The following ZNF883 variants were observed in gnomAD, a reference collection of about 807,000 sequenced individuals.
The protein encoded by ZNF883 is zinc finger protein 883.
intron 1 of ZNF883, among the ~76,000 whole-genome samples, chr9:112,988,368 G>A (rs1235316850): frequency 6.6e-6 from 1 of 151,992 alleles, no homozygotes. Context: ...TCATTGTTCA[G>A]CTCCCACTTA....
intron 1 of ZNF883, among the ~76,000 whole-genome samples, chr9:112,988,355 TTC>T (rs1375081364): frequency 1.3e-5 from 2 of 152,152 alleles, no homozygotes; most frequent in East Asian, 3.9e-4. Flanking sequence ...TGTCCATGTG[TTC>T]TCATTGTTCA....
chr9:112,998,552 A>T (rs1828389440), upstream of ZNF883: 1 of 235,286 alleles, frequency 4.3e-6, no homozygotes, highest in Non-Finnish European at 8.1e-6. Context: ...CAAAAATATT[A>T]TATGGAAAAT....
exon 1 of ZNF883, chr9:112,997,535 CAT>C: frequency 1.2e-6 from 2 of 1,614,136 alleles, no homozygotes; most frequent in Non-Finnish European, 1.7e-6. Flanking sequence ...GGCCTTTCCA[CAT>C]GCATTACACT....
upstream of ZNF883, among the ~76,000 whole-genome samples, chr9:113,003,020 TTC>T (rs1564333941): frequency 6.6e-6 from 1 of 152,122 alleles, no homozygotes; most frequent in East Asian, 1.9e-4. Context: ...ATAAATAAAT[TTC>T]TGTTCTTTAT....
exon 1 of ZNF883, chr9:112,998,063 T>C (rs772139646): frequency 6.2e-7 from 1 of 1,613,978 alleles, no homozygotes; most frequent in East Asian, 2.2e-5. Flanking sequence ...ATAAGGTTTC[T>C]CTCCAGTATG....
chr9:112,997,297 G>A, exon 1 of ZNF883: 1 of 1,613,972 alleles, frequency 6.2e-7, no homozygotes, highest in Non-Finnish European at 8.5e-7. Flanking sequence ...CATTACACTG[G>A]TAGGGTTTCT....
At chr9:113,005,212 CAG>C (rs1828462483) in intron 2 of ZNF883, among the ~76,000 whole-genome samples, 2 of 151,914 alleles carry the variant, frequency 1.3e-5, no homozygotes, top group South Asian at 2.1e-4. Context: ...ACTATACAAA[CAG>C]AAGGCAATCA....
intron 2 of ZNF883, among the ~76,000 whole-genome samples, chr9:113,008,694 T>G (rs1828501717): frequency 6.6e-6 from 1 of 152,170 alleles, no homozygotes; most frequent in African/African-American, 2.4e-5. Context: ...ATCAGGAATT[T>G]TGCCCAGTGA....
downstream of ZNF883, among the ~76,000 whole-genome samples, chr9:112,996,598 T>C (rs1214558509): frequency 6.6e-6 from 1 of 150,742 alleles, no homozygotes; most frequent in East Asian, 1.9e-4. Flanking sequence ...GAGACCATCC[T>C]GGCTAACACG....
At chr9:112,997,386 G>T (rs1208201450) in exon 1 of ZNF883, 1 of 1,613,918 alleles carries the variant, frequency 6.2e-7, no homozygotes, top group South Asian at 1.1e-5. Flanking sequence ...CATTGATAGG[G>T]TTTCACACAA....
chr9:113,004,705 A>G (rs1278222663), intron 2 of ZNF883, among the ~76,000 whole-genome samples: 1 of 151,736 alleles, frequency 6.6e-6, no homozygotes, highest in Admixed American at 6.6e-5. Context: ...TAAGCCACCC[A>G]GTCTACAGTA....
chr9:113,003,807 T>C (rs2118620620), intron 2 of ZNF883, among the ~76,000 whole-genome samples: 1 of 152,236 alleles, frequency 6.6e-6, no homozygotes, highest in African/African-American at 2.4e-5. Flanking sequence ...GCAGAAACAA[T>C]AAGACTGCTG....
downstream of ZNF883, among the ~76,000 whole-genome samples, chr9:112,994,355 C>G (rs374608266): frequency 8.7e-5 from 13 of 149,474 alleles, 1 homozygote; most frequent in Admixed American, 3.4e-4. Context: ...ATGGGTCATG[C>G]CAATTGCCTA....
At chr9:112,995,908 A>C (rs971508684), downstream of ZNF883, among the ~76,000 whole-genome samples, 3 of 152,024 alleles carry the variant, frequency 2.0e-5, no homozygotes, top group South Asian at 6.2e-4. Flanking sequence ...TACTTGCTAG[A>C]AGTTTGTCTA....
downstream of ZNF883, among the ~76,000 whole-genome samples, chr9:112,994,288 CTGCTTTTCCTCACTCTCCG>C (rs1240848460): frequency 3.2e-4 from 49 of 151,628 alleles, no homozygotes; most frequent in East Asian, 7.7e-4. Flanking sequence ...TCACACCACC[CTGCTTTTCCTCACTCTCCG>C]TGCTTTTCCT....
chr9:113,009,613 G>A (rs897119178), intron 2 of ZNF883, among the ~76,000 whole-genome samples: 4 of 151,842 alleles, frequency 2.6e-5, no homozygotes, highest in African/African-American at 4.8e-5. Context: ...AGGTTCAAGC[G>A]ATTCTCCTGC....
chr9:112,997,725 T>C, exon 1 of ZNF883: 1 of 1,613,882 alleles, frequency 6.2e-7, no homozygotes, highest in Non-Finnish European at 8.5e-7. Context: ...TGGTAGGATT[T>C]TTCCTCAGAA....
At chr9:113,010,984 CAA>C (rs35069505) in intron 2 of ZNF883, among the ~76,000 whole-genome samples, 155 bp downstream of exon 2, 20,302 of 117,852 alleles carry the variant, frequency 0.17, 1,280 homozygotes, top group African/African-American at 0.23. Context: ...GACCTTGTCT[CAA>C]AAAAAAAAAA....
chr9:112,998,125 T>C (rs1415559767), exon 1 of ZNF883: 5 of 1,613,970 alleles, frequency 3.1e-6, no homozygotes, highest in Non-Finnish European at 4.2e-6. Context: ...ACTTACCACA[T>C]ATTTTACATT....
Sources: gnomAD v4.1 joint callset for allele counts (sites outside exome capture counted in the v4.1 genomes callset) on GRCh38, gnomAD v4.1.1 for gene constraint, MANE v1.5 for transcripts, NCBI Gene and HGNC (gene_info 2026-07-23, HGNC 2026-07-21) for gene names.